Variants in PKIA observed in about 807,000 individuals in gnomAD.
PKIA encodes the protein cAMP-dependent protein kinase inhibitor alpha, also known as PKI-alpha.
In PKIA, 4 loss-of-function variants were observed where a neutral mutation model predicts 7.6. The observed-to-expected ratio is 0.52, with a 90% CI of 0.26 to 1.20. The LOEUF is 1.20. Ranked by LOEUF, PKIA falls within the 50% of genes most tolerant of loss-of-function variation. The pLI is 0.13. For missense variants in PKIA, 73 were observed against 86.2 expected (o/e 0.85, Z 0.61); for synonymous variants, 21 against 30.7 (o/e 0.68, Z 1.04).
At position 78,570,857 on chromosome 8, in the gene PKIA, C is replaced by G. The variant is rs1330320875; in HGVS notation, c.-156-1954C>G. Among the ~76,000 whole-genome samples, 3 of 152,082 alleles carry G rather than the reference C, an allele frequency of 2.0e-5. No homozygotes were observed. In the South Asian group the frequency reaches 6.2e-4, roughly 32 times the overall value. On this transcript the variant is annotated intron_variant, in intron 1 of 3. Transcript: ENST00000396418. ...TCCTCTTTGACTCAAAAATTTACCT[C>G]TCCTTCACATTACACATCCATCTCC...
rs112113154 is a variant in PKIA at position 78,528,140 on chromosome 8, C to T, written c.-157+11672C>T. Among the ~76,000 whole-genome samples the T allele has an allele frequency of 8.7e-4, 132 of 151,988 alleles. 2 individuals carry two copies. Among genetic ancestry groups the T allele is most frequent in the African/African-American group, 2.9e-3 (122 of 41,490 alleles). On this transcript the variant is annotated intron_variant, in intron 1 of 3. Coordinates refer to ENST00000396418, the MANE Select transcript of PKIA (RefSeq NM_006823.4). ...AGCTGAGAACTGCAGTTAAATAGCCCCAAGGTAGGACATAGGCGAAAAATA... is the reference window on the plus strand; with the variant it reads ...AGCTGAGAACTGCAGTTAAATAGCCTCAAGGTAGGACATAGGCGAAAAATA...
At position 78,561,048 on chromosome 8, in the gene PKIA, C is replaced by T. The variant is rs538845456; in HGVS notation, c.-156-11763C>T. ...AAATCCATAAATAAACAACATGAGA[C>T]GTGGTATATCAGTACAAATCTCACT... On this transcript the variant is annotated intron_variant, in intron 1 of 3. Coordinates refer to ENST00000396418, the MANE Select transcript of PKIA (RefSeq NM_006823.4). 5.9e-5 allele frequency among the ~76,000 whole-genome samples: 9 copies of T among 152,248 alleles called. No homozygotes were observed. In the South Asian group the frequency reaches 1.0e-3, roughly 18 times the overall value.
intron 1 of PKIA, among the ~76,000 whole-genome samples, chr8:78,517,956 T>C (rs895169684): frequency 3.3e-4 from 50 of 152,332 alleles, no homozygotes; most frequent in African/African-American, 1.1e-3. Flanking sequence ...TTTTAGTAAA[T>C]TAAATTAGAA....
At position 78,523,944 on chromosome 8, in the gene PKIA, A is replaced by G. The variant is rs866411063; in HGVS notation, c.-157+7476A>G. On this transcript the variant is annotated intron_variant, in intron 1 of 3. Transcript: ENST00000396418. ...TATATATATATAAATATATATAAAC[A>G]TTTATATTTATATATAAATATATAA... 5.2e-3 allele frequency among the ~76,000 whole-genome samples: 651 copies of G among 125,068 alleles called. 15 individuals are homozygous for G. The highest frequency in any genetic ancestry group is 0.018 in the African/African-American group (582 of 32,276). The allele number at this position is 125,068 out of a possible 152,430, so 82.0% of individuals were successfully genotyped here. A position where few individuals can be genotyped will look rare whatever the true frequency, so the allele number is the denominator to read the frequency against.
At chr8:78,579,302 C>A (rs966632647) in intron 2 of PKIA, among the ~76,000 whole-genome samples, 1 of 152,064 alleles carries the variant, frequency 6.6e-6, no homozygotes, top group East Asian at 1.9e-4. Flanking sequence ...AAATTTAAAC[C>A]AGGTAACATT....
chr8:78,576,947 A>T (rs550917479), intron 2 of PKIA, among the ~76,000 whole-genome samples: 13 of 152,144 alleles, frequency 8.5e-5, no homozygotes, highest in African/African-American at 3.1e-4. Flanking sequence ...CCCATCAATG[A>T]TAGACTGGAT....
At chr8:78,583,791 C>T (rs1406353603) in intron 2 of PKIA, among the ~76,000 whole-genome samples, 1 of 152,026 alleles carries the variant, frequency 6.6e-6, no homozygotes, top group East Asian at 1.9e-4. Flanking sequence ...CCCATTTATG[C>T]CTAGTGTTCC....
At position 78,521,095 on chromosome 8, in the gene PKIA, G is replaced by T. The variant is rs970225819; in HGVS notation, c.-157+4627G>T. On this transcript the variant is annotated intron_variant, in intron 1 of 3. Transcript: ENST00000396418. ...ACACATTCCAAATGACTTATTTAAG[G>T]TTTTCCAATCAAAGCCATTTTTACA... Among the ~76,000 whole-genome samples, 3 of 152,020 alleles carry T rather than the reference G, an allele frequency of 2.0e-5. No homozygotes were observed. The East Asian group carries it at 5.8e-4, about 29-fold the overall frequency.
intron 1 of PKIA, among the ~76,000 whole-genome samples, chr8:78,539,726 CTTAAAT>C (rs1186618436): frequency 2.6e-5 from 4 of 151,844 alleles, no homozygotes; most frequent in African/African-American, 9.7e-5. Flanking sequence ...ACCTGCAGTG[CTTAAAT>C]TTAAAGGGTA....
intron 1 of PKIA, among the ~76,000 whole-genome samples, chr8:78,517,667 C>T (rs1166455776): frequency 6.6e-6 from 1 of 152,158 alleles, no homozygotes. Flanking sequence ...TTTGCAGGTT[C>T]CTATCCCTCG....
intron 1 of PKIA, among the ~76,000 whole-genome samples, chr8:78,549,817 G>A (rs1276279646): frequency 2.0e-5 from 3 of 151,294 alleles, no homozygotes. Flanking sequence ...GGTCCATTTT[G>A]TGCATAAGTG....
chr8:78,582,656 A>G (rs1807842600), intron 2 of PKIA, among the ~76,000 whole-genome samples: 1 of 152,142 alleles, frequency 6.6e-6, no homozygotes, highest in Non-Finnish European at 1.5e-5. Flanking sequence ...ATTACAATAA[A>G]ATCAACAAGA....
chr8:78,570,226 C>T (rs1032879373), intron 1 of PKIA, among the ~76,000 whole-genome samples: 8 of 151,968 alleles, frequency 5.3e-5, no homozygotes, highest in East Asian at 3.9e-4. Context: ...ATATTCATGC[C>T]GAGGCACATC....
At chr8:78,575,748 A>G (rs906174331) in intron 2 of PKIA, among the ~76,000 whole-genome samples, 2 of 152,040 alleles carry the variant, frequency 1.3e-5, no homozygotes, top group African/African-American at 2.4e-5. Context: ...AACTCAGTCA[A>G]GTTGCAGTCC....
At chr8:78,527,610 T>G (rs1007949914) in intron 1 of PKIA, among the ~76,000 whole-genome samples, 2 of 152,034 alleles carry the variant, frequency 1.3e-5, no homozygotes, top group African/African-American at 4.8e-5. Context: ...ATTTAATAAA[T>G]GAGTATGAAT....
chr8:78,549,870 A>C (rs771260985), intron 1 of PKIA, among the ~76,000 whole-genome samples: 1 of 152,108 alleles, frequency 6.6e-6, no homozygotes, highest in Non-Finnish European at 1.5e-5. Flanking sequence ...ACAATTAGAA[A>C]ATGAACTCTG....
intron 1 of PKIA, among the ~76,000 whole-genome samples, chr8:78,557,291 G>A (rs1807163366): frequency 6.6e-6 from 1 of 152,044 alleles, no homozygotes; most frequent in Admixed American, 6.5e-5. Flanking sequence ...TGGCACCACT[G>A]GTAGTTTTCC....
intron 1 of PKIA, among the ~76,000 whole-genome samples, 161 bp downstream of exon 1, chr8:78,516,629 T>G (rs1038389258): frequency 5.9e-5 from 9 of 152,234 alleles, no homozygotes; most frequent in African/African-American, 2.2e-4. Flanking sequence ...GGCGGCCAAG[T>G]GCAGAGGTTG....
intron 2 of PKIA, among the ~76,000 whole-genome samples, chr8:78,590,293 A>G (rs965749092): frequency 6.6e-6 from 1 of 151,852 alleles, no homozygotes; most frequent in African/African-American, 2.4e-5. Flanking sequence ...TAAAAAAAAA[A>G]AAAGAAAAAG....
Sources: allele counts gnomAD v4.1 joint callset (sites outside exome capture counted in the v4.1 genomes callset), GRCh38; gene constraint gnomAD v4.1.1; transcripts MANE v1.5; gene names NCBI Gene and HGNC (gene_info 2026-07-23, HGNC 2026-07-21).